SLC38A11: variants seen among roughly 807,000 people sequenced by gnomAD.
SLC38A11 encodes solute carrier family 38 member 11.
SLC38A11 carries 51 observed loss-of-function variants against 49.4 expected under a neutral mutation model. The ratio of observed to expected loss-of-function variants is 1.03; its 90% CI spans 0.83 to 1.30. The LOEUF (loss-of-function observed/expected upper bound fraction) is 1.30. Ranked by LOEUF, SLC38A11 falls within the 50% of genes most tolerant of loss-of-function variation. The pLI is 0.00. For missense variants in SLC38A11, 574 were observed against 556.2 expected, an observed-to-expected ratio of 1.03 and a Z score of -0.32; for synonymous variants, 203 against 192.9, an observed-to-expected ratio of 1.05 and a Z score of -0.43.
intron 7 of SLC38A11, among the ~76,000 whole-genome samples, chr2:164,932,177 AT>A (rs1464538020): frequency 1.3e-5 from 2 of 152,210 alleles, no homozygotes; most frequent in African/African-American, 4.8e-5. Flanking sequence ...ATCAATGATC[AT>A]TAAAGAAATG....
At chr2:164,953,631 C>T (rs1212754139) in intron 2 of SLC38A11, among the ~76,000 whole-genome samples, 1 of 150,610 alleles carries the variant, frequency 6.6e-6, no homozygotes, top group African/African-American at 2.4e-5. Flanking sequence ...TTTTATGTAT[C>T]ATTTGGAGAA....
chr2:164,907,026 T>C (rs1269876374), intron 11 of SLC38A11, among the ~76,000 whole-genome samples: 1 of 152,152 alleles, frequency 6.6e-6, no homozygotes, highest in African/African-American at 2.4e-5. Flanking sequence ...CAATAAGTGC[T>C]AACTGGTGGG....
chr2:164,940,068 T>C (rs1687652035), intron 5 of SLC38A11, among the ~76,000 whole-genome samples: 1 of 150,132 alleles, frequency 6.7e-6, no homozygotes, highest in South Asian at 2.1e-4. Flanking sequence ...AAGATTTAGA[T>C]AAAAATATTT....
At chr2:164,913,292 T>C (rs1209635618) in intron 9 of SLC38A11, among the ~76,000 whole-genome samples, 1 of 151,860 alleles carries the variant, frequency 6.6e-6, no homozygotes, top group African/African-American at 2.4e-5. Context: ...ATTCCAGCAC[T>C]CTAAGAAAAA....
At chr2:164,931,923 A>G (rs547731508) in intron 7 of SLC38A11, among the ~76,000 whole-genome samples, 3 of 152,230 alleles carry the variant, frequency 2.0e-5, no homozygotes, top group South Asian at 2.1e-4. Flanking sequence ...ATTGACAAAT[A>G]GGATCTACTC....
chr2:164,951,347 A>T (rs1688511401), intron 3 of SLC38A11, among the ~76,000 whole-genome samples: 1 of 152,178 alleles, frequency 6.6e-6, no homozygotes, highest in Non-Finnish European at 1.5e-5. Context: ...GACAGGGACA[A>T]ATCCTTGAAT....
intron 7 of SLC38A11, among the ~76,000 whole-genome samples, chr2:164,925,398 G>A (rs1686501591): frequency 6.6e-6 from 1 of 152,182 alleles, no homozygotes; most frequent in African/African-American, 2.4e-5. Flanking sequence ...AAAAATAAAT[G>A]TAACTTCAGA....
chr2:164,912,926 C>A (rs1424043340), intron 9 of SLC38A11, among the ~76,000 whole-genome samples: 1 of 151,808 alleles, frequency 6.6e-6, no homozygotes, highest in South Asian at 2.1e-4. Context: ...TGACTAATGC[C>A]GAAACAGAGT....
chr2:164,942,582 TTC>T (rs1156758086), intron 5 of SLC38A11, among the ~76,000 whole-genome samples: 2 of 152,192 alleles, frequency 1.3e-5, no homozygotes, highest in Non-Finnish European at 2.9e-5. Context: ...GTAAATGTAT[TTC>T]TTTCTTATTT....
At chr2:164,927,032 G>T (rs1321660100) in intron 7 of SLC38A11, among the ~76,000 whole-genome samples, 2 of 152,118 alleles carry the variant, frequency 1.3e-5, no homozygotes, top group Non-Finnish European at 2.9e-5. Context: ...TAAAAAAAGA[G>T]GTGGGGCCTT....
Position 164,931,477 on chromosome 2 carries a change from C to T in SLC38A11, c.617+5873G>A, listed in dbSNP as rs367690922. ...CCTGAATAGCCAAGGCAATCCTAGG[C>T]AAAAAGAACAAAACCAGAGGCATCA... is the stretch of plus-strand genomic sequence containing the variant. On this transcript the variant is annotated intron_variant, in intron 7 of 11. Coordinates refer to ENST00000685975, the MANE Select transcript of SLC38A11 (RefSeq NM_001351537.2). Among the ~76,000 whole-genome samples, 7 of 152,038 alleles carry T rather than the reference C, an allele frequency of 4.6e-5. No homozygotes were observed. In the East Asian group the frequency reaches 7.7e-4, roughly 17 times the overall value.
intron 11 of SLC38A11, 105 bp from the exon 12 acceptor site, chr2:164,898,835 CAT>C (rs1684474678): frequency 3.7e-6 from 4 of 1,072,344 alleles, no homozygotes; most frequent in South Asian, 3.3e-5. Flanking sequence ...ACATGTTAAA[CAT>C]GTGATAGGTT....
intron 7 of SLC38A11, among the ~76,000 whole-genome samples, chr2:164,930,399 T>C (rs545414023): frequency 6.6e-6 from 1 of 152,256 alleles, no homozygotes; most frequent in Non-Finnish European, 1.5e-5. Context: ...TAACTCATTC[T>C]AAGAGGCCAA....
chr2:164,901,415 A>G (rs1334963384), intron 11 of SLC38A11, among the ~76,000 whole-genome samples: 1 of 151,824 alleles, frequency 6.6e-6, no homozygotes, highest in Admixed American at 6.6e-5. Context: ...TGTTCCATTT[A>G]TTTGTGTCTT....
rs1263736701 is a variant in SLC38A11 at position 164,897,135 on chromosome 2, T to C, written c.*1302A>G. 1 of 152,128 alleles carries C rather than the reference T, an allele frequency of 6.6e-6. No individual in the cohort carries two copies. The highest frequency in any genetic ancestry group is 1.5e-5 in the Non-Finnish European group (1 of 68,004). The allele number at this position is 152,128 out of a possible 1,614,324, so 9.4% of individuals were successfully genotyped here. Reference sequence around the variant, plus strand: ...TACATACAAAGACACAAAGTCCTCATTAAAAAATCATTTAAAAATCCTCAG... The same window carrying C: ...TACATACAAAGACACAAAGTCCTCACTAAAAAATCATTTAAAAATCCTCAG... On this transcript the variant is annotated 3_prime_UTR_variant, in exon 12 of 12. Transcript: ENST00000685975.
chr2:164,924,896 G>A (rs1489391321), intron 7 of SLC38A11, among the ~76,000 whole-genome samples: 2 of 150,208 alleles, frequency 1.3e-5, no homozygotes, highest in Non-Finnish European at 3.0e-5. Context: ...CACCATGCCC[G>A]GCTAATTTTT....
At chr2:164,954,300 A>G (rs1688707055) in intron 2 of SLC38A11, among the ~76,000 whole-genome samples, 1 of 152,182 alleles carries the variant, frequency 6.6e-6, no homozygotes, top group Admixed American at 6.5e-5. Context: ...CAGTAAGTGG[A>G]AAAAGTACAT....
At chr2:164,912,638 C>A (rs904620200) in intron 9 of SLC38A11, among the ~76,000 whole-genome samples, 1 of 151,994 alleles carries the variant, frequency 6.6e-6, no homozygotes, top group African/African-American at 2.4e-5. Context: ...CATATGTTAC[C>A]TTTCATGGCA....
At chr2:164,925,141 C>G (rs1376580022) in intron 7 of SLC38A11, among the ~76,000 whole-genome samples, 1 of 152,170 alleles carries the variant, frequency 6.6e-6, no homozygotes, top group Non-Finnish European at 1.5e-5. Context: ...ATTTGGGACA[C>G]CAGTCTCTTT....
Sources: gnomAD v4.1 joint callset for allele counts (sites outside exome capture counted in the v4.1 genomes callset) on GRCh38, gnomAD v4.1.1 for gene constraint, MANE v1.5 for transcripts, NCBI Gene and HGNC (gene_info 2026-07-23, HGNC 2026-07-21) for gene names.